TFIP11: variants seen among roughly 807,000 people sequenced by gnomAD.
The protein encoded by TFIP11 is tuftelin interacting protein 11.
TFIP11 carries 86 observed loss-of-function variants against 96.8 expected under a neutral mutation model. The observed-to-expected ratio is 0.89, with a 90% CI of 0.75 to 1.06. TFIP11 has a LOEUF of 1.06. TFIP11 is among the 50% of genes least tolerant of loss of function. The pLI, the probability that TFIP11 is intolerant of heterozygous loss-of-function variation, is 0.00. For synonymous variants in TFIP11, 405 were observed against 395.2 expected (o/e 1.02, Z -0.29); for missense variants, 881 against 1,076.7 (o/e 0.82, Z 2.54).
chr22:26,502,572 G>A (rs942737735), intron 7 of TFIP11, among the ~76,000 whole-genome samples: 8 of 152,244 alleles, frequency 5.3e-5, no homozygotes, highest in Admixed American at 3.3e-4. Context: ...CTCTGAATAC[G>A]GCCTGTTTAC....
chr22:26,498,704 A>T, intron 10 of TFIP11, 165 bp downstream of exon 10: 1 of 590,874 alleles, frequency 1.7e-6, no homozygotes, highest in Non-Finnish European at 3.0e-6. Context: ...AAAAAAATTA[A>T]AAAAAAAAAA....
chr22:26,499,424 G>A lies in TFIP11; in HGVS notation c.1009C>T (p.Gln337Ter). The change falls in exon 9 of 15, where the codon CAG becomes TAG. Residue 337 changes from glutamine (Q) to a stop codon, truncating the protein, a stop_gained. Coordinates refer to ENST00000407690, the MANE Select transcript of TFIP11 (RefSeq NM_012143.4). LOFTEE classifies it high-confidence loss of function. ...LIDLTEQEII[Q>*]NDRQLQYERD... ...TCATACTGTAGCTGCCGGTCATTCT[G>A]GATGATCTCCTGCTCCGTGAGGTCG... The A allele has an allele frequency of 2.5e-6, 4 of 1,614,180 alleles. No homozygotes were observed. The highest frequency in any genetic ancestry group is 2.5e-6 in the Non-Finnish European group (3 of 1,180,050).
intron 2 of TFIP11, chr22:26,511,010 T>C (rs1194678358): frequency 6.6e-6 from 1 of 152,292 alleles, no homozygotes; most frequent in African/African-American, 2.4e-5. Flanking sequence ...GCTTCTACTT[T>C]AGTCCCATGA....
rs757223429 is a variant in TFIP11 at position 26,492,237 on chromosome 22, C to T, written c.2290G>A (p.Val764Met). Residue 764 changes from valine to methionine, a missense_variant, in exon 15 of 15, where the codon GTG (valine) becomes ATG (methionine). Transcript: ENST00000407690. ...TTCATGGGCACAGAGCTAGCGGCCACGCCAATGCCCCTCTGAGCCATGTTC... is the reference window on the plus strand; with the variant it reads ...TTCATGGGCACAGAGCTAGCGGCCATGCCAATGCCCCTCTGAGCCATGTTC... ...AENMAQRGIGVAASSVPMNFK... is the reference protein window; with the variant it reads ...AENMAQRGIGMAASSVPMNFK... 18 of 1,614,110 alleles carry T rather than the reference C, an allele frequency of 1.1e-5. No homozygotes were observed. Among genetic ancestry groups the T allele is most frequent in the South Asian group, 6.6e-5 (6 of 91,088 alleles).
intron 8 of TFIP11, among the ~76,000 whole-genome samples, chr22:26,499,842 G>C (rs1015585373): frequency 6.6e-6 from 1 of 152,200 alleles, no homozygotes; most frequent in African/African-American, 2.4e-5. Flanking sequence ...AGCAGTTCTA[G>C]GTTGGATCAC....
chr22:26,499,856 G>C (rs546046718), intron 8 of TFIP11, among the ~76,000 whole-genome samples: 10 of 152,338 alleles, frequency 6.6e-5, no homozygotes, highest in South Asian at 6.2e-4. Context: ...GGATCACTGT[G>C]AACAAGCCAG....
At position 26,499,534 on chromosome 22, in the gene TFIP11, G is replaced by T; in HGVS notation, c.899C>A (p.Ser300Tyr). The T allele has an allele frequency of 6.2e-7, 1 of 1,614,208 alleles. No homozygotes were observed. Among genetic ancestry groups the T allele is most frequent in the Non-Finnish European group, 8.5e-7 (1 of 1,180,050 alleles). ...NVPDDGLPLQSQQLPQSGKEA... is the reference protein window; with the variant it reads ...NVPDDGLPLQYQQLPQSGKEA... ...TTTGCCAGACTGTGGCAGCTGTTGG[G>T]ACTGTAGCGGCAGCCCATCATCGGG... Residue 300 changes from serine to tyrosine, a missense_variant, in exon 9 of 15, where the codon TCC (serine) becomes TAC (tyrosine). By Grantham distance (144) the Ser-to-Tyr change is moderately radical. Coordinates refer to ENST00000407690, the MANE Select transcript of TFIP11 (RefSeq NM_012143.4).
rs1479794609 is a variant in TFIP11, at chr22:26,499,169, CCACACGGTCGGACATCCTGTA to C, written c.1243_1263del (p.Tyr415_Val421del). On this transcript the variant is annotated inframe_deletion, in exon 9 of 15. Coordinates refer to ENST00000407690, the MANE Select transcript of TFIP11 (RefSeq NM_012143.4). Reference sequence around the variant, plus strand: ...GGATAGACGATGGCCACAGCAAGGTCCACACGGTCGGACATCCTGTACTCCTCATAGTACTTGTCCTGCAGG... The same window carrying C: ...GGATAGACGATGGCCACAGCAAGGTCCTCCTCATAGTACTTGTCCTGCAGG... 5.6e-6 allele frequency: 9 copies of C among 1,608,046 alleles called. No homozygotes were observed. Among genetic ancestry groups the C allele is most frequent in the African/African-American group, 2.7e-5 (2 of 74,858 alleles).
rs902890257 is a variant in TFIP11, at chr22:26,506,722, A to G, written c.363+53T>C. 2.3e-5 allele frequency: 37 copies of G among 1,597,894 alleles called. No homozygotes were observed. The African/African-American group carries it at 5.0e-4, about 21-fold the overall frequency. On this transcript the variant is annotated intron_variant, in intron 5 of 14. Coordinates refer to ENST00000407690, the MANE Select transcript of TFIP11 (RefSeq NM_012143.4). ...TCCCTGGCTAGAAAATGCTTGGGCC[A>G]CAATGACCTTTGAAGGATATTCCTA...
chr22:26,492,289 C>T lies in TFIP11; in HGVS notation c.2238G>A (p.Glu746=). The T allele has an allele frequency of 6.2e-7, 1 of 1,614,224 alleles. No individual in the cohort carries two copies. The highest frequency in any genetic ancestry group is 8.5e-7 in the Non-Finnish European group (1 of 1,180,044). ...CAGCCTCCCGCCTCTCCTGCATGGC[C>T]TCGTACTGGAAGTCCTTCCTCCGCT... ...HTERRKDFQY[E]AMQERREAEN... The change falls in exon 15 of 15, where the codon GAG becomes GAA. Residue 746 remains glutamate, a synonymous_variant. Transcript: ENST00000407690.
intron 4 of TFIP11, among the ~76,000 whole-genome samples, chr22:26,508,435 T>C (rs986253337): frequency 2.0e-5 from 3 of 152,210 alleles, no homozygotes; most frequent in Non-Finnish European, 1.5e-5. Flanking sequence ...ATGTTAGCTA[T>C]TATTATTATC....
Position 26,491,746 on chromosome 22 carries a change from G to A in TFIP11, c.*267C>T. On this transcript the variant is annotated 3_prime_UTR_variant, in exon 15 of 15. Coordinates refer to ENST00000407690, the MANE Select transcript of TFIP11 (RefSeq NM_012143.4). ...AGACTAAAGGGAAGGCTGCTATGGA[G>A]GAACTACAGAGAACTCCTTTGCCAG... 7.3e-7 allele frequency: 1 copy of A among 1,371,418 alleles called. No homozygotes were observed. Among genetic ancestry groups the A allele is most frequent in the Non-Finnish European group, 1.0e-6 (1 of 994,690 alleles). 85.0% of individuals were successfully genotyped at this position (1,371,418 alleles called of 1,614,324 possible).
rs749265331 is a variant in TFIP11, at chr22:26,510,112, C to G, written c.161G>C (p.Trp54Ser). ...CTCATCATCCGAGTCTCGCTCTGCC[C>G]ACACCCCGTAGGTGGCTTCTTCCTT... The part of the protein sequence containing the change: ...QTKEEATYGV[W>S]AERDSDDERP... Residue 54 changes from tryptophan to serine, a missense_variant, in exon 4 of 15, where the codon TGG becomes TCG. Trp to Ser is a radical substitution (Grantham distance 177). Coordinates refer to ENST00000407690, the MANE Select transcript of TFIP11 (RefSeq NM_012143.4). 6.2e-7 allele frequency: 1 copy of G among 1,614,130 alleles called. No individual in the cohort carries two copies. Among genetic ancestry groups the G allele is most frequent in the Non-Finnish European group, 8.5e-7 (1 of 1,180,036 alleles).
intron 8 of TFIP11, 67 bp from the exon 9 acceptor site, chr22:26,499,698 G>A (rs1482310191): frequency 2.7e-6 from 4 of 1,497,360 alleles, no homozygotes; most frequent in Admixed American, 1.9e-5. Flanking sequence ...GCTAAGCCCA[G>A]GGGAAGGCCC....
chr22:26,507,956 A>C (rs1923617725), intron 4 of TFIP11, among the ~76,000 whole-genome samples: 1 of 152,134 alleles, frequency 6.6e-6, no homozygotes, highest in Non-Finnish European at 1.5e-5. Context: ...AAATACAAAA[A>C]ACTAGCTGAG....
At chr22:26,502,787 G>C (rs949134330) in intron 7 of TFIP11, among the ~76,000 whole-genome samples, 1 of 152,140 alleles carries the variant, frequency 6.6e-6, no homozygotes, top group African/African-American at 2.4e-5. Flanking sequence ...CAATCACCTA[G>C]AGCTGAATAA....
In TFIP11 at chr22:26,499,213, A is replaced by G. The variant is rs1483630546; in HGVS notation, c.1220T>C (p.Leu407Pro). ...LDECARIFET[L>P]QDKYYEEYRM... is the part of the protein sequence containing the mutation. ...GTACTCCTCATAGTACTTGTCCTGC[A>G]GGGTTTCGAAGATGCGGGCACACTC... Residue 407 changes from leucine (L) to proline (P), a missense_variant, in exon 9 of 15, where the codon CTG becomes CCG. By Grantham distance (98) the Leu-to-Pro change is moderately conservative. Coordinates refer to ENST00000407690, the MANE Select transcript of TFIP11 (RefSeq NM_012143.4). The G allele has an allele frequency of 6.2e-7, 1 of 1,613,964 alleles. No individual in the cohort carries two copies. The highest frequency in any genetic ancestry group is 8.5e-7 in the Non-Finnish European group (1 of 1,179,938).
In TFIP11 at chr22:26,503,705, T is replaced by C. The variant is rs144068049; in HGVS notation, c.609A>G (p.Gln203=). 9.1e-5 allele frequency: 147 copies of C among 1,614,120 alleles called. No individual in the cohort carries two copies. The highest frequency in any genetic ancestry group is 3.3e-4 in the Middle Eastern group (2 of 6,062). ...YGSERTTQSM[Q]DFPVVDSEEE... is the part of the protein sequence containing the mutation. ...CCTCTGAGTCAACCACAGGGAAGTC[T>C]TGCATGGACTGAGTGGTGCGCTCGG... Residue 203 remains glutamine, a synonymous_variant, in exon 7 of 15, where the codon CAA becomes CAG. Transcript: ENST00000407690.
intron 4 of TFIP11, among the ~76,000 whole-genome samples, chr22:26,508,860 A>G (rs1923727819): frequency 6.6e-6 from 1 of 152,004 alleles, no homozygotes; most frequent in Non-Finnish European, 1.5e-5. Context: ...AAAAAAAAGA[A>G]AAAGAAAAAG....
Sources: gnomAD v4.1 joint callset for allele counts (sites outside exome capture counted in the v4.1 genomes callset) on GRCh38, gnomAD v4.1.1 for gene constraint, MANE v1.5 for transcripts, NCBI Gene and HGNC (gene_info 2026-07-23, HGNC 2026-07-21) for gene names.